ITGAV: variants seen among roughly 807,000 people sequenced by gnomAD.
ITGAV encodes integrin alpha-V.
Under a neutral mutation model 143.8 loss-of-function variants are expected in ITGAV, and 76 were observed. The ratio of observed to expected loss-of-function variants is 0.53; its 90% CI spans 0.44 to 0.64. ITGAV has a LOEUF of 0.64. Ranked by LOEUF, ITGAV falls within the 30% of genes least tolerant of loss-of-function variation. ITGAV has a pLI of 0.00. For synonymous variants in ITGAV, 453 were observed against 446.7 expected, an observed-to-expected ratio of 1.01 and a Z score of -0.18; for missense variants, 1,193 against 1,274.7, an observed-to-expected ratio of 0.94 and a Z score of 0.98.
At chr2:186,647,081 T>C (rs908780230) in intron 13 of ITGAV, among the ~76,000 whole-genome samples, 2 of 152,232 alleles carry the variant, frequency 1.3e-5, no homozygotes, top group African/African-American at 4.8e-5. Context: ...GAGTGTACAG[T>C]GTACTCTGAG....
chr2:186,646,535 G>T, intron 12 of ITGAV, 151 bp from the exon 13 acceptor site: 1 of 539,064 alleles, frequency 1.9e-6, no homozygotes, highest in Non-Finnish European at 3.4e-6. Context: ...TAAATATTAA[G>T]ATCTGTACAA....
rs936935654 is a variant in ITGAV at position 186,680,354 on chromosome 2, C to T, written c.*3062C>T. The T allele has an allele frequency of 3.3e-5, 5 of 152,404 alleles. No homozygotes were observed. The highest frequency in any genetic ancestry group is 9.7e-5 in the African/African-American group (4 of 41,396). The allele number at this position is 152,404 out of a possible 1,614,324, so 9.4% of individuals were successfully genotyped here. On this transcript the variant is annotated 3_prime_UTR_variant, in exon 30 of 30. Coordinates refer to ENST00000261023, the MANE Select transcript of ITGAV (RefSeq NM_002210.5). ...TAGTTTGTTGGTTGGCTGGTTTGAA[C>T]GATAGAAATATGCAGCATGCAATAT...
intron 3 of ITGAV, among the ~76,000 whole-genome samples, chr2:186,624,678 A>G (rs1336987563): frequency 3.3e-5 from 5 of 152,230 alleles, no homozygotes; most frequent in Non-Finnish European, 7.3e-5. Context: ...GTAGATTACT[A>G]TGTTGTTAAA....
intron 1 of ITGAV, among the ~76,000 whole-genome samples, chr2:186,593,987 G>C (rs950424696): frequency 2.6e-5 from 4 of 151,932 alleles, no homozygotes; most frequent in Non-Finnish European, 4.4e-5. Flanking sequence ...CTGGATTCTT[G>C]CCTTTCCCCC....
intron 2 of ITGAV, among the ~76,000 whole-genome samples, chr2:186,611,922 G>A (rs1417935436): frequency 1.3e-5 from 2 of 152,074 alleles, no homozygotes; most frequent in African/African-American, 2.4e-5. Context: ...TTTTAAAAAA[G>A]GTAATGTCTA....
chr2:186,675,709 T>G lies in ITGAV; in HGVS notation c.2812T>G (p.Phe938Val). The change falls in exon 27 of 30, where the codon TTT becomes GTT. Residue 938 changes from phenylalanine (F) to valine (V), a missense_variant. Physicochemically the swap from Phe to Val is conservative, Grantham distance 50. Transcript: ENST00000261023. ...AAAGTCATTACTGTGGACTGAGACT[T>G]TTATGAATGTAAGTAGACAGGTGCA... The part of the protein sequence containing the change: ...YVKSLLWTET[F>V]MNKENQNHSY... The G allele has an allele frequency of 6.2e-7, 1 of 1,609,370 alleles. No homozygotes were observed. The highest frequency in any genetic ancestry group is 1.1e-5 in the South Asian group (1 of 90,952).
chr2:186,646,139 G>T (rs528668982), intron 12 of ITGAV, among the ~76,000 whole-genome samples: 165 of 152,260 alleles, frequency 1.1e-3, no homozygotes, highest in African/African-American at 3.9e-3. Flanking sequence ...GATTTAAAAT[G>T]TTATTCATTT....
chr2:186,637,481 CAAAAA>C (rs5836991), intron 8 of ITGAV, among the ~76,000 whole-genome samples: 7 of 105,826 alleles, frequency 6.6e-5, no homozygotes, highest in Admixed American at 9.5e-5. Flanking sequence ...GACCCTGTCT[CAAAAA>C]AAAAAAAAAA....
At position 186,649,881 on chromosome 2, in the gene ITGAV, T is replaced by C. The variant is rs1348325330; in HGVS notation, c.1393T>C (p.Tyr465His). The stretch of plus-strand genomic sequence containing the variant: ...TTTTGGTGTAGATCGAGCTATCTTA[T>C]ACAGGTGAGCATTTTCTGTATCCTG... Reference protein sequence around the residue: ...GAFGVDRAILYRARPVITVNA... With the variant: ...GAFGVDRAILHRARPVITVNA... Residue 465 changes from tyrosine (Y) to histidine (H), a missense_variant, in exon 14 of 30, where the codon TAC becomes CAC. Coordinates refer to ENST00000261023, the MANE Select transcript of ITGAV (RefSeq NM_002210.5). 1.3e-6 allele frequency: 2 copies of C among 1,485,888 alleles called. No individual in the cohort carries two copies. Among genetic ancestry groups the C allele is most frequent in the Non-Finnish European group, 1.8e-6 (2 of 1,114,852 alleles). 92.0% of individuals were successfully genotyped at this position (1,485,888 alleles called of 1,614,324 possible).
chr2:186,663,721 C>T (rs1260853413), intron 18 of ITGAV, 47 bp from the exon 19 acceptor site: 2 of 1,340,680 alleles, frequency 1.5e-6, no homozygotes, highest in East Asian at 2.3e-5. Context: ...GCTTATGCCA[C>T]CTGCATTGGT....
intron 1 of ITGAV, chr2:186,600,065 T>A: frequency 2.2e-6 from 1 of 455,184 alleles, no homozygotes; most frequent in Non-Finnish European, 3.8e-6. Flanking sequence ...CTTAAAAAAC[T>A]CAGTGGCTTC....
rs1191844662 is a variant in ITGAV at position 186,674,083 on chromosome 2, C to T, written c.2707-1521C>T. Among the ~76,000 whole-genome samples the T allele has an allele frequency of 7.2e-5, 11 of 152,316 alleles. No individual in the cohort carries two copies. In the East Asian group the frequency reaches 2.1e-3, roughly 29 times the overall value. ...CGAAATCCTGGGCTCAAGCAATCCT[C>T]CTGCCTCAGCCTCCTGAGTAGCTAG... is the stretch of plus-strand genomic sequence containing the variant. On this transcript the variant is annotated intron_variant, in intron 26 of 29. Transcript: ENST00000261023.
In ITGAV at chr2:186,664,788, T is replaced by C. The variant is rs1015440313; in HGVS notation, c.2073+147T>C. On this transcript the variant is annotated intron_variant, in intron 20 of 29. Coordinates refer to ENST00000261023, the MANE Select transcript of ITGAV (RefSeq NM_002210.5). The stretch of plus-strand genomic sequence containing the variant: ...CAATGGAGTGCCTATCTTACATAAT[T>C]CCTTTTAAGCCTAATACTTTGCATA... 8.1e-6 allele frequency: 8 copies of C among 984,668 alleles called. No homozygotes were observed. The Admixed American group carries it at 1.5e-4, about 19-fold the overall frequency. 61.0% of individuals were successfully genotyped at this position (984,668 alleles called of 1,614,324 possible).
At chr2:186,609,802 A>ATG (rs1437560236) in intron 2 of ITGAV, among the ~76,000 whole-genome samples, 1 of 151,000 alleles carries the variant, frequency 6.6e-6, no homozygotes, top group African/African-American at 2.4e-5. Flanking sequence ...ACATATATAT[A>ATG]TATGTATGTG....
Position 186,667,720 on chromosome 2 carries a change from AAGG to A in ITGAV, c.2380_2382del (p.Glu794del). 1.2e-6 allele frequency: 2 copies of A among 1,611,626 alleles called. No homozygotes were observed. Among genetic ancestry groups the A allele is most frequent in the Non-Finnish European group, 1.7e-6 (2 of 1,178,268 alleles). On this transcript the variant is annotated inframe_deletion, in exon 24 of 30. Coordinates refer to ENST00000261023, the MANE Select transcript of ITGAV (RefSeq NM_002210.5). ...TCTTCCGATTCCAAACTGGGAGCACAAGGAGAACCCTGAGACTGAAGAAGATGT... is the reference window on the plus strand; with the variant it reads ...TCTTCCGATTCCAAACTGGGAGCACAAGAACCCTGAGACTGAAGAAGATGT...
At chr2:186,656,045 T>C (rs1559062143) in intron 16 of ITGAV, among the ~76,000 whole-genome samples, 1 of 152,130 alleles carries the variant, frequency 6.6e-6, no homozygotes, top group Non-Finnish European at 1.5e-5. Context: ...TAGGGAAAGT[T>C]TGATTAATTA....
chr2:186,630,743 G>C lies in ITGAV; in HGVS notation c.524-54G>C, dbSNP rs1687795045. On this transcript the variant is annotated intron_variant, in intron 4 of 29. Coordinates refer to ENST00000261023, the MANE Select transcript of ITGAV (RefSeq NM_002210.5). Reference sequence around the variant, plus strand: ...GTGATATCAGATTTTCTCATGTTTTGTTTTGTGTTGTTTGTTTTTGGGTTT... The same window carrying C: ...GTGATATCAGATTTTCTCATGTTTTCTTTTGTGTTGTTTGTTTTTGGGTTT... The C allele has an allele frequency of 2.1e-5, 20 of 951,672 alleles. No individual in the cohort carries two copies. The South Asian group carries it at 2.7e-4, about 13-fold the overall frequency. The allele number at this position is 951,672 out of a possible 1,614,324, so 59.0% of individuals were successfully genotyped here. A position where few individuals can be genotyped will look rare whatever the true frequency, so the allele number is the denominator to read the frequency against.
At chr2:186,644,763 CAG>C (rs1336851614) in intron 12 of ITGAV, among the ~76,000 whole-genome samples, 1 of 151,746 alleles carries the variant, frequency 6.6e-6, no homozygotes, top group Non-Finnish European at 1.5e-5. Context: ...GAGCATAAAT[CAG>C]AGTCTACTCA....
At chr2:186,615,393 G>A (rs932028728) in intron 2 of ITGAV, among the ~76,000 whole-genome samples, 3 of 152,052 alleles carry the variant, frequency 2.0e-5, no homozygotes, top group Non-Finnish European at 4.4e-5. Context: ...ATTTTCAAAA[G>A]TGGCTGTACC....
Sources: gnomAD v4.1 joint callset for allele counts (sites outside exome capture counted in the v4.1 genomes callset) on GRCh38, gnomAD v4.1.1 for gene constraint, MANE v1.5 for transcripts, NCBI Gene and HGNC (gene_info 2026-07-23, HGNC 2026-07-21) for gene names.